Variants in EDA observed in about 807,000 individuals in gnomAD.
The protein encoded by EDA is ectodysplasin A, also known as ectodysplasin-A.
A neutral mutation model predicts 23.6 loss-of-function variants in EDA; 2 were observed. The ratio of observed to expected loss-of-function variants is 0.08; its 90% CI spans 0.03 to 0.27. EDA has a LOEUF of 0.27. EDA is among the 10% of genes least tolerant of loss of function. EDA has a pLI of 1.00. For missense variants in EDA, 229 were observed against 324.2 expected (o/e 0.71, Z 2.26); for synonymous variants, 131 against 132.0 (o/e 0.99, Z 0.05).
intron 1 of EDA, among the ~76,000 whole-genome samples, chrX:69,920,375 A>T (rs191625883): frequency 5.0e-4 from 55 of 110,915 alleles, no homozygotes; most frequent in African/African-American, 1.6e-3. Flanking sequence ...ATTAATTAAA[A>T]TTCATACTTT....
chrX:69,895,417 C>G (rs1207199328), intron 1 of EDA, among the ~76,000 whole-genome samples: 1 of 107,124 alleles, frequency 9.3e-6, no homozygotes, highest in Admixed American at 1.0e-4. Flanking sequence ...CACACACACA[C>G]ACACACACAC....
At chrX:69,888,978 T>TTTTATATATATATATA (rs2017876013) in intron 1 of EDA, among the ~76,000 whole-genome samples, 1 of 16,013 alleles carries the variant, frequency 6.2e-5, no homozygotes, top group African/African-American at 2.3e-4. Context: ...TGTGGGGTAG[T>TTTTATATATATATATA]TATATATATA....
chrX:69,683,320 A>T (rs758178360), intron 1 of EDA, among the ~76,000 whole-genome samples: 1 of 111,256 alleles, frequency 9.0e-6, no homozygotes, highest in Admixed American at 9.6e-5. Flanking sequence ...AGTGCCTGGC[A>T]TATAATAATA....
In EDA at chrX:69,667,269, C is replaced by T. The variant is rs555965351; in HGVS notation, c.396+50565C>T. 3.9e-4 allele frequency among the ~76,000 whole-genome samples: 42 copies of T among 108,405 alleles called. 1 individual carries two copies. The highest frequency in any genetic ancestry group is 9.4e-4 in the African/African-American group (28 of 29,870). The allele number at this position is 108,405 out of a possible 115,157, so 94.1% of individuals were successfully genotyped here. On this transcript the variant is annotated intron_variant, in intron 1 of 7. Coordinates refer to ENST00000374552, the MANE Select transcript of EDA (RefSeq NM_001399.5). Reference sequence around the variant, plus strand: ...CTGAGACTACAGGCGCCCACCACCACGCCCAGCTAATTTTTTTTTATTTTT... The same window carrying T: ...CTGAGACTACAGGCGCCCACCACCATGCCCAGCTAATTTTTTTTTATTTTT...
intron 1 of EDA, among the ~76,000 whole-genome samples, chrX:69,949,754 G>A (rs1437244053): frequency 8.1e-5 from 9 of 111,782 alleles, no homozygotes; most frequent in Admixed American, 4.7e-4. Context: ...TTGCCAATGT[G>A]GTGGTATTAA....
In EDA at chrX:69,937,064, A is replaced by G. The variant is rs2018684562; in HGVS notation, c.397-19963A>G. 4 of 551,626 alleles carry G rather than the reference A, an allele frequency of 7.3e-6. No individual in the cohort carries two copies. The East Asian group carries it at 1.0e-4, about 14-fold the overall frequency. 45.5% of individuals were successfully genotyped at this position (551,626 alleles called of 1,213,427 possible). A position where few individuals can be genotyped will look rare whatever the true frequency, so the allele number is the denominator to read the frequency against. On this transcript the variant is annotated intron_variant, in intron 1 of 7. Transcript: ENST00000374552. ...GGCCATGAAAGGGCGGGGGGAAGGG[A>G]CTGTCTGTTGTTCAAAGGATTCAAC... is the stretch of plus-strand genomic sequence containing the variant.
At chrX:69,742,236 G>C (rs150107716) in intron 1 of EDA, among the ~76,000 whole-genome samples, 1,726 of 111,461 alleles carry the variant, frequency 0.015, 31 homozygotes, top group African/African-American at 0.055. Flanking sequence ...ACCTGGATTA[G>C]AGTTTATGAA....
intron 1 of EDA, among the ~76,000 whole-genome samples, chrX:69,802,367 T>A (rs1370308928): frequency 2.7e-5 from 3 of 109,150 alleles, no homozygotes; most frequent in African/African-American, 9.9e-5. Flanking sequence ...AGTATACTTA[T>A]AAGTATATAT....
At position 69,815,748 on chromosome X, in the gene EDA, G is replaced by A. The variant is rs35670959; in HGVS notation, c.397-141279G>A. The stretch of plus-strand genomic sequence containing the variant: ...CCTCCACAGTTCAGTTGACTCAGCC[G>A]CTCCAGCTTGCTGGCTGTGGAGAAT... On this transcript the variant is annotated intron_variant, in intron 1 of 7. Transcript: ENST00000374552. 4.7e-3 allele frequency among the ~76,000 whole-genome samples: 526 copies of A among 112,378 alleles called. 5 individuals carry two copies. Among genetic ancestry groups the A allele is most frequent in the Non-Finnish European group, 6.4e-3 (340 of 53,146 alleles).
At position 70,035,640 on chromosome X, in the gene EDA, C is replaced by T; in HGVS notation, c.*31C>T. 4 of 1,205,509 alleles carry T rather than the reference C, an allele frequency of 3.3e-6. No individual in the cohort carries two copies. Among genetic ancestry groups the T allele is most frequent in the East Asian group, 3.0e-5 (1 of 33,697 alleles). ...CCCCATTTTGCCTCTGTCCGTGCCC[C>T]TTCCCTGGGTTTGGGAGCCAGGACT... On this transcript the variant is annotated 3_prime_UTR_variant, in exon 8 of 8. Coordinates refer to ENST00000374552, the MANE Select transcript of EDA (RefSeq NM_001399.5).
At chrX:69,915,550 C>G (rs2018327879) in intron 1 of EDA, among the ~76,000 whole-genome samples, 1 of 106,304 alleles carries the variant, frequency 9.4e-6, no homozygotes, top group Non-Finnish European at 1.9e-5. Flanking sequence ...TTGCAGTGAG[C>G]CAAGATCGTG....
At chrX:69,990,308 G>A (rs2019566226) in intron 2 of EDA, among the ~76,000 whole-genome samples, 1 of 107,564 alleles carries the variant, frequency 9.3e-6, no homozygotes, top group South Asian at 3.8e-4. Context: ...GACACCTGAA[G>A]GATAAAGAGC....
At chrX:69,894,426 T>G (rs1429316327) in intron 1 of EDA, among the ~76,000 whole-genome samples, 2 of 111,975 alleles carry the variant, frequency 1.8e-5, no homozygotes, top group African/African-American at 6.5e-5. Context: ...TAAATTATTT[T>G]TTCTAATTCT....
intron 1 of EDA, among the ~76,000 whole-genome samples, chrX:69,797,735 A>G (rs767694997): frequency 8.9e-6 from 1 of 112,032 alleles, no homozygotes; most frequent in Non-Finnish European, 1.9e-5. Flanking sequence ...ATAATGAAAA[A>G]CAAGAGAAAA....
At chrX:69,950,970 T>C (rs991115379) in intron 1 of EDA, among the ~76,000 whole-genome samples, 28 of 96,931 alleles carry the variant, frequency 2.9e-4, no homozygotes, top group Admixed American at 1.5e-3. Context: ...AGGGATAGCA[T>C]TGGGAGATAT....
At chrX:69,832,439 G>C (rs994552022) in intron 1 of EDA, among the ~76,000 whole-genome samples, 15 of 111,829 alleles carry the variant, frequency 1.3e-4, no homozygotes, top group Admixed American at 8.6e-4. Flanking sequence ...GGTTACTGTA[G>C]CCTTGTAGTA....
intron 1 of EDA, among the ~76,000 whole-genome samples, chrX:69,798,718 A>G (rs772154091): frequency 8.9e-6 from 1 of 111,975 alleles, no homozygotes; most frequent in Non-Finnish European, 1.9e-5. Context: ...AAAAAGTAGA[A>G]CAGAACTAGA....
intron 1 of EDA, among the ~76,000 whole-genome samples, chrX:69,618,316 C>G (rs1932053368): frequency 8.9e-6 from 1 of 112,237 alleles, no homozygotes; most frequent in Non-Finnish European, 1.9e-5. Flanking sequence ...GAAACTCTTA[C>G]AGGTGTATAA....
intron 1 of EDA, among the ~76,000 whole-genome samples, chrX:69,824,365 T>G (rs2016342468): frequency 9.2e-6 from 1 of 109,269 alleles, no homozygotes; most frequent in Non-Finnish European, 1.9e-5. Flanking sequence ...GTATCCTCTT[T>G]TATTTCCTTG....
Sources: allele counts gnomAD v4.1 joint callset (sites outside exome capture counted in the v4.1 genomes callset), GRCh38; gene constraint gnomAD v4.1.1; transcripts MANE v1.5; gene names NCBI Gene and HGNC (gene_info 2026-07-23, HGNC 2026-07-21).